The following MAGI2 variants were observed in gnomAD, a reference collection of about 807,000 sequenced individuals.
MAGI2 encodes membrane-associated guanylate kinase, WW and PDZ domain-containing protein 2.
In MAGI2, 35 loss-of-function variants were observed where a neutral mutation model predicts 133.3. The observed-to-expected ratio is 0.26, with a 90% confidence interval of 0.20 to 0.35. MAGI2 has a LOEUF of 0.35. MAGI2 is among the 10% of genes least tolerant of loss of function. The pLI is 1.00. For synonymous variants in MAGI2, 729 were observed against 710.6 expected, an observed-to-expected ratio of 1.03 and a Z score of -0.41; for missense variants, 1,636 against 1,863.4, an observed-to-expected ratio of 0.88 and a Z score of 2.25.
intron 3 of MAGI2, among the ~76,000 whole-genome samples, chr7:78,577,611 T>C (rs61489584): frequency 0.043 from 5,996 of 140,666 alleles, 290 homozygotes; most frequent in African/African-American, 0.13. Context: ...GGCTGTTTTA[T>C]AGGATTTGGG....
At chr7:78,739,105 T>C (rs1822147587) in intron 2 of MAGI2, among the ~76,000 whole-genome samples, 1 of 152,194 alleles carries the variant, frequency 6.6e-6, no homozygotes, top group South Asian at 2.1e-4. Context: ...TTTCAAGTAT[T>C]AATTTTTTAA....
At chr7:79,040,212 C>G (rs186444175) in intron 1 of MAGI2, among the ~76,000 whole-genome samples, 1 of 151,888 alleles carries the variant, frequency 6.6e-6, no homozygotes, top group Non-Finnish European at 1.5e-5. Context: ...CTCCTTCACT[C>G]GGCACTTCTC....
rs183727636 is a variant in MAGI2 at position 78,529,900 on chromosome 7, C to T, written c.539-8255G>A. 5.7e-4 allele frequency among the ~76,000 whole-genome samples: 86 copies of T among 151,130 alleles called. 1 individual carries two copies. Among genetic ancestry groups the T allele is most frequent in the African/African-American group, 2.0e-3 (82 of 41,310 alleles). On this transcript the variant is annotated intron_variant, in intron 3 of 21. Transcript: ENST00000354212. Reference sequence around the variant, plus strand: ...TTAATATTTTTCTTTACCAATATATCCAAAATATTTTAATAATTAATAAAA... The same window carrying T: ...TTAATATTTTTCTTTACCAATATATTCAAAATATTTTAATAATTAATAAAA...
At chr7:79,022,441 A>T (rs1218049695) in intron 1 of MAGI2, among the ~76,000 whole-genome samples, 2 of 152,114 alleles carry the variant, frequency 1.3e-5, no homozygotes, top group Non-Finnish European at 2.9e-5. Context: ...TTTGAAATTA[A>T]CCACCCAACA....
chr7:79,189,658 G>C (rs1300025934), intron 1 of MAGI2, among the ~76,000 whole-genome samples: 2 of 151,500 alleles, frequency 1.3e-5, no homozygotes, highest in Non-Finnish European at 2.9e-5. Flanking sequence ...TTTACATTAG[G>C]GTTCAAGCTA....
intron 2 of MAGI2, among the ~76,000 whole-genome samples, chr7:78,888,768 A>G: frequency 6.6e-6 from 1 of 152,140 alleles, no homozygotes; most frequent in Non-Finnish European, 1.5e-5. Flanking sequence ...ATAAAACCAC[A>G]AAGATGGGGA....
chr7:78,211,280 A>C (rs1787745080), intron 10 of MAGI2, among the ~76,000 whole-genome samples: 1 of 152,196 alleles, frequency 6.6e-6, no homozygotes, highest in Non-Finnish European at 1.5e-5. Flanking sequence ...AGGAGAATTC[A>C]CTTACAGTGG....
chr7:79,052,245 A>T (rs1812741395), intron 1 of MAGI2, among the ~76,000 whole-genome samples: 1 of 152,220 alleles, frequency 6.6e-6, no homozygotes, highest in African/African-American at 2.4e-5. Context: ...AGGACATTCG[A>T]CAGGAGCATG....
chr7:79,119,805 T>G (rs1463380813), intron 1 of MAGI2, among the ~76,000 whole-genome samples: 1 of 152,058 alleles, frequency 6.6e-6, no homozygotes, highest in African/African-American at 2.4e-5. Context: ...ATGTTATTTA[T>G]AATGTATTAT....
chr7:78,599,654 T>C (rs895586098), intron 3 of MAGI2, among the ~76,000 whole-genome samples: 2 of 152,146 alleles, frequency 1.3e-5, no homozygotes, highest in African/African-American at 2.4e-5. Flanking sequence ...AAATCAGAGG[T>C]AGTCATTTGG....
intron 10 of MAGI2, chr7:78,254,549 T>C (rs1792766004): frequency 6.6e-6 from 1 of 152,234 alleles, no homozygotes; most frequent in Non-Finnish European, 1.5e-5. Flanking sequence ...TGTTTGGCTA[T>C]CATATGAATT....
chr7:79,256,211 C>T (rs1274007352), intron 1 of MAGI2, among the ~76,000 whole-genome samples: 5 of 152,162 alleles, frequency 3.3e-5, no homozygotes, highest in African/African-American at 2.4e-5. Context: ...CTACCTTTGA[C>T]ACAAACAAGT....
intron 2 of MAGI2, among the ~76,000 whole-genome samples, chr7:78,784,817 C>T (rs1826677297): frequency 1.3e-5 from 2 of 152,192 alleles, no homozygotes; most frequent in African/African-American, 4.8e-5. Context: ...ATAAATAAAT[C>T]TGTTATGCTT....
chr7:78,538,523 C>A (rs1798148885), intron 3 of MAGI2, among the ~76,000 whole-genome samples: 1 of 152,082 alleles, frequency 6.6e-6, no homozygotes, highest in Non-Finnish European at 1.5e-5. Context: ...TTGTAGTTTT[C>A]CTTGTAGAGA....
At chr7:79,321,826 A>G (rs1839207515) in intron 1 of MAGI2, among the ~76,000 whole-genome samples, 1 of 152,216 alleles carries the variant, frequency 6.6e-6, no homozygotes, top group Non-Finnish European at 1.5e-5. Context: ...CTAGGCAATG[A>G]CCTACATTTC....
chr7:78,852,075 G>A (rs11770408), intron 2 of MAGI2, among the ~76,000 whole-genome samples: 43,700 of 151,872 alleles, frequency 0.29, 6,959 homozygotes, highest in East Asian at 0.51. Flanking sequence ...AAGTCTTGTC[G>A]ATATAATTAA....
At chr7:78,588,613 GCTC>G (rs1563209519) in intron 3 of MAGI2, among the ~76,000 whole-genome samples, 1 of 152,182 alleles carries the variant, frequency 6.6e-6, no homozygotes, top group Non-Finnish European at 1.5e-5. Context: ...GACTGGCTGA[GCTC>G]CTATCAGAGC....
intron 2 of MAGI2, among the ~76,000 whole-genome samples, chr7:78,772,489 C>T (rs1483257028): frequency 1.3e-5 from 2 of 152,176 alleles, no homozygotes; most frequent in Non-Finnish European, 2.9e-5. Flanking sequence ...ATCACATTAT[C>T]CTTGCCACAA....
intron 2 of MAGI2, among the ~76,000 whole-genome samples, chr7:78,851,802 C>T (rs1442834044): frequency 1.3e-5 from 2 of 152,122 alleles, no homozygotes; most frequent in Non-Finnish European, 2.9e-5. Context: ...TAAACATTCT[C>T]TTGTTTGTTT....
Sources: gnomAD v4.1 joint callset for allele counts (sites outside exome capture counted in the v4.1 genomes callset) on GRCh38, gnomAD v4.1.1 for gene constraint, MANE v1.5 for transcripts, NCBI Gene and HGNC (gene_info 2026-07-23, HGNC 2026-07-21) for gene names.